GRIA4: variants seen among roughly 807,000 people sequenced by gnomAD.
GRIA4 encodes the protein glutamate receptor 4.
Under a neutral mutation model 104.0 loss-of-function variants are expected in GRIA4, and 34 were observed. That is an observed-to-expected ratio of 0.33 (90% CI 0.25 to 0.44). GRIA4 has a LOEUF of 0.44. Among genes scored for constraint, GRIA4 ranks in the 20% least tolerant of loss-of-function variants. GRIA4 has a pLI of 1.00. For synonymous variants in GRIA4, 386 were observed against 381.9 expected, an observed-to-expected ratio of 1.01 and a Z score of -0.13; for missense variants, 750 against 1,096.5, an observed-to-expected ratio of 0.68 and a Z score of 4.46.
chr11:105,716,360 A>G (rs1294581370), intron 3 of GRIA4, among the ~76,000 whole-genome samples: 2 of 152,212 alleles, frequency 1.3e-5, no homozygotes, highest in East Asian at 3.8e-4. Flanking sequence ...GATAATGTAT[A>G]TAATTCAAAT....
chr11:105,716,314 A>T (rs2135561905), intron 3 of GRIA4, among the ~76,000 whole-genome samples: 1 of 152,320 alleles, frequency 6.6e-6, no homozygotes, highest in African/African-American at 2.4e-5. Context: ...GCTCCTATTT[A>T]CATAGTAAAG....
At chr11:105,788,559 G>A (rs1349727070) in intron 4 of GRIA4, among the ~76,000 whole-genome samples, 1 of 152,200 alleles carries the variant, frequency 6.6e-6, no homozygotes, top group South Asian at 2.1e-4. Context: ...ATACTATGCA[G>A]CCAGAAAAAA....
At chr11:105,793,779 A>C (rs1942328736) in intron 4 of GRIA4, among the ~76,000 whole-genome samples, 1 of 152,168 alleles carries the variant, frequency 6.6e-6, no homozygotes, top group Admixed American at 6.6e-5. Flanking sequence ...ACTCTTGCCA[A>C]CTGTCCAAAA....
chr11:105,663,953 C>A (rs1952088054), intron 3 of GRIA4, among the ~76,000 whole-genome samples: 1 of 151,378 alleles, frequency 6.6e-6, no homozygotes, highest in Non-Finnish European at 1.5e-5. Context: ...GAGATAGATG[C>A]ACTACATGAA....
intron 6 of GRIA4, among the ~76,000 whole-genome samples, chr11:105,893,634 A>T (rs146797016): frequency 7.1e-4 from 108 of 152,294 alleles, no homozygotes; most frequent in African/African-American, 2.6e-3. Flanking sequence ...GCTAGACTTT[A>T]CATCAGATGA....
At chr11:105,715,191 A>G (rs892132720) in intron 3 of GRIA4, among the ~76,000 whole-genome samples, 9 of 152,216 alleles carry the variant, frequency 5.9e-5, no homozygotes, top group African/African-American at 1.7e-4. Context: ...GGAGTTGCCA[A>G]TCATGACAAT....
chr11:105,879,423 G>A (rs1221496835), intron 5 of GRIA4, among the ~76,000 whole-genome samples: 4 of 152,156 alleles, frequency 2.6e-5, no homozygotes, highest in African/African-American at 9.7e-5. Flanking sequence ...ATTGGACTGA[G>A]TTGTATTTGC....
intron 3 of GRIA4, among the ~76,000 whole-genome samples, chr11:105,680,909 C>T (rs1456656621): frequency 1.3e-5 from 2 of 152,198 alleles, no homozygotes; most frequent in Non-Finnish European, 2.9e-5. Flanking sequence ...TTATGCTCCA[C>T]TTTGCTCATA....
chr11:105,973,148 T>C (rs897524871), intron 15 of GRIA4, among the ~76,000 whole-genome samples: 1 of 152,154 alleles, frequency 6.6e-6, no homozygotes, highest in Non-Finnish European at 1.5e-5. Flanking sequence ...GAAGTTACCC[T>C]AAAATGTTTG....
chr11:105,978,888 AT>A (rs1480171817), intron 16 of GRIA4, among the ~76,000 whole-genome samples: 1 of 152,234 alleles, frequency 6.6e-6, no homozygotes, highest in African/African-American at 2.4e-5. Flanking sequence ...CCCTGACTCT[AT>A]AACCTCAATA....
chr11:105,922,932 C>T (rs1947605982), intron 11 of GRIA4, among the ~76,000 whole-genome samples: 1 of 152,210 alleles, frequency 6.6e-6, no homozygotes, highest in Admixed American at 6.6e-5. Context: ...TAATAACCTT[C>T]CAGCAATGGT....
chr11:105,922,229 CAA>C (rs1404658793), intron 11 of GRIA4, among the ~76,000 whole-genome samples: 3 of 152,054 alleles, frequency 2.0e-5, no homozygotes, highest in Non-Finnish European at 2.9e-5. Context: ...TTTATAATAA[CAA>C]ATTCAAATTA....
chr11:105,666,694 C>T (rs1180924731), intron 3 of GRIA4, among the ~76,000 whole-genome samples: 3 of 151,806 alleles, frequency 2.0e-5, no homozygotes, highest in Non-Finnish European at 4.4e-5. Context: ...GCTAAATACA[C>T]GTTGTGGTTA....
intron 5 of GRIA4, among the ~76,000 whole-genome samples, chr11:105,864,870 CA>C (rs887178441): frequency 9.0e-5 from 13 of 145,054 alleles, no homozygotes; most frequent in East Asian, 2.0e-4. Flanking sequence ...AACTCCATCT[CA>C]AAAAAAAAAA....
intron 5 of GRIA4, among the ~76,000 whole-genome samples, chr11:105,878,012 C>G (rs1274856884): frequency 1.3e-5 from 2 of 152,138 alleles, no homozygotes; most frequent in African/African-American, 4.8e-5. Flanking sequence ...GAATTTTCAG[C>G]CTTTTTGCAC....
At chr11:105,738,134 C>T (rs988486673) in intron 3 of GRIA4, among the ~76,000 whole-genome samples, 4 of 151,794 alleles carry the variant, frequency 2.6e-5, no homozygotes, top group Non-Finnish European at 5.9e-5. Context: ...AGCAGGCAGT[C>T]TCATTGAATG....
chr11:105,931,265 T>TACACAC (rs373334457), intron 13 of GRIA4, among the ~76,000 whole-genome samples: 2,062 of 143,754 alleles, frequency 0.014, 45 homozygotes, highest in African/African-American at 0.043. Context: ...ATTGCCTAAA[T>TACACAC]ACACACACAC....
chr11:105,855,714 A>C (rs1944985734), intron 4 of GRIA4, among the ~76,000 whole-genome samples: 1 of 152,166 alleles, frequency 6.6e-6, no homozygotes, highest in South Asian at 2.1e-4. Flanking sequence ...GAAGATAAAT[A>C]ATGATGGAGG....
chr11:105,802,103 C>T (rs1942743729), intron 4 of GRIA4, among the ~76,000 whole-genome samples: 1 of 152,026 alleles, frequency 6.6e-6, no homozygotes, highest in Admixed American at 6.6e-5. Context: ...CAAAGAGACT[C>T]ATCAGTTTAG....
Sources: allele counts gnomAD v4.1 joint callset (sites outside exome capture counted in the v4.1 genomes callset), GRCh38; gene constraint gnomAD v4.1.1; transcripts MANE v1.5; gene names NCBI Gene and HGNC (gene_info 2026-07-23, HGNC 2026-07-21).